CPSF1: variants seen among roughly 807,000 people sequenced by gnomAD.
CPSF1 encodes the protein cleavage and polyadenylation specificity factor subunit 1.
Under a neutral mutation model 175.8 loss-of-function variants are expected in CPSF1, and 106 were observed. The ratio of observed to expected loss-of-function variants is 0.60; its 90% CI spans 0.52 to 0.71. The LOEUF (loss-of-function observed/expected upper bound fraction) is 0.71. CPSF1 is among the 30% of genes least tolerant of loss of function. The pLI is 0.00. For missense variants in CPSF1, 1,734 were observed against 2,022.9 expected, an observed-to-expected ratio of 0.86 and a Z score of 2.74; for synonymous variants, 1,024 against 858.3, an observed-to-expected ratio of 1.19 and a Z score of -3.37.
intron 2 of CPSF1, among the ~76,000 whole-genome samples, chr8:144,406,351 T>C (rs1554869088): frequency 6.6e-6 from 1 of 152,102 alleles, no homozygotes; most frequent in African/African-American, 2.4e-5. Flanking sequence ...GCCCTGTCAG[T>C]CACCAGGCAT....
chr8:144,397,217 G>A lies in CPSF1; in HGVS notation c.2582C>T (p.Pro861Leu). ...LVALGSRQSR[P>L]YLLVHVDQEL... is the part of the protein sequence containing the mutation. ...GCCAGGCGCACTCACCAGCAGGTAGGGCCTGCTCTGGCGGCTGCCCAGCGC... is the reference window on the plus strand; with the variant it reads ...GCCAGGCGCACTCACCAGCAGGTAGAGCCTGCTCTGGCGGCTGCCCAGCGC... Residue 861 changes from proline to leucine, a missense_variant, in exon 23 of 38, where the codon CCC becomes CTC. Pro to Leu is a moderately conservative substitution (Grantham distance 98, BLOSUM62 -3). Around this residue, in one of 10 missense-constraint regions of CPSF1, gnomAD observed 585 missense variants for 584.7 expected, o/e 1.00. Transcript: ENST00000616140. 2 of 1,544,184 alleles carry A rather than the reference G, an allele frequency of 1.3e-6. No homozygotes were observed. The highest frequency in any genetic ancestry group is 1.7e-6 in the Non-Finnish European group (2 of 1,144,624).
chr8:144,393,379 AAGGGTGGG>A lies in CPSF1; in HGVS notation c.4285-22_4285-15del. 1 of 537,142 alleles carries A rather than the reference AAGGGTGGG, an allele frequency of 1.9e-6. No homozygotes were observed. Among genetic ancestry groups the A allele is most frequent in the Non-Finnish European group, 2.7e-6 (1 of 372,046 alleles). 33.3% of individuals were successfully genotyped at this position (537,142 alleles called of 1,614,324 possible). A position where few individuals can be genotyped will look rare whatever the true frequency, so the allele number is the denominator to read the frequency against. On this transcript the variant is annotated splice_polypyrimidine_tract_variant and intron_variant, in intron 37 of 37. Transcript: ENST00000616140. Reference sequence around the variant, plus strand: ...GTCGTCCAGGATCTGCAGGGGATGGAAGGGTGGGTGGGTGGGTGGGTGGGGATGCACAC... The same window carrying A: ...GTCGTCCAGGATCTGCAGGGGATGGATGGGTGGGTGGGTGGGGATGCACAC...
chr8:144,401,874 G>A (rs2116887662), intron 2 of CPSF1, among the ~76,000 whole-genome samples: 117 of 152,152 alleles, frequency 7.7e-4, no homozygotes, highest in Non-Finnish European at 8.8e-4. Flanking sequence ...TCATGCCCAC[G>A]GCCCAGCCCT....
chr8:144,400,595 A>G (rs1294009887), intron 7 of CPSF1, 76 bp downstream of exon 7: 1 of 1,599,906 alleles, frequency 6.3e-7, no homozygotes, highest in Non-Finnish European at 8.5e-7. Flanking sequence ...GCCCCGCCCT[A>G]AACCCCATGG....
intron 4 of CPSF1, 43 bp downstream of exon 4, chr8:144,401,378 GCACCCACTC>G: frequency 1.2e-6 from 2 of 1,612,120 alleles, no homozygotes; most frequent in African/African-American, 1.3e-5. Context: ...CCAGGCCCTG[GCACCCACTC>G]CCACGCCTTG....
rs1820670104 is a variant in CPSF1, at chr8:144,395,544, A to G, written c.2987T>C (p.Leu996Pro). ...GFLYFNRQGE[L>P]RISVLPAYLS... ...GTAGGCAGGCAGGACACTGATCCTCAGCTCGCCCTGGGGTGGGGGCACAGG... is the reference window on the plus strand; with the variant it reads ...GTAGGCAGGCAGGACACTGATCCTCGGCTCGCCCTGGGGTGGGGGCACAGG... The change falls in exon 27 of 38, where the codon CTG (leucine) becomes CCG (proline). Residue 996 changes from leucine (L) to proline (P), a missense_variant. By Grantham distance (98) the Leu-to-Pro change is moderately conservative. Coordinates refer to ENST00000616140, the MANE Select transcript of CPSF1 (RefSeq NM_013291.3). 2 of 969,416 alleles carry G rather than the reference A, an allele frequency of 2.1e-6. No individual in the cohort carries two copies. The highest frequency in any genetic ancestry group is 2.5e-5 in the South Asian group (2 of 79,804). The allele number at this position is 969,416 out of a possible 1,614,324, so 60.1% of individuals were successfully genotyped here.
chr8:144,397,424 G>A lies in CPSF1; in HGVS notation c.2386-11C>T. On this transcript the variant is annotated splice_polypyrimidine_tract_variant and intron_variant, in intron 22 of 37. Coordinates refer to ENST00000616140, the MANE Select transcript of CPSF1 (RefSeq NM_013291.3). Reference sequence around the variant, plus strand: ...GGGAAGCTGGTAGATCTGCAGGGTGGGCAGCAGTCAGTGGAGGCAGGTGGG... The same window carrying A: ...GGGAAGCTGGTAGATCTGCAGGGTGAGCAGCAGTCAGTGGAGGCAGGTGGG... 6.3e-7 allele frequency: 1 copy of A among 1,576,740 alleles called. No homozygotes were observed. The highest frequency in any genetic ancestry group is 1.1e-5 in the South Asian group (1 of 87,216).
chr8:144,398,142 T>A lies in CPSF1; in HGVS notation c.1895-10A>T. 6.9e-7 allele frequency: 1 copy of A among 1,456,048 alleles called. No individual in the cohort carries two copies. The allele number at this position is 1,456,048 out of a possible 1,614,324, so 90.2% of individuals were successfully genotyped here. ...AAGTGCAGCTGATTCACTGTAGGCATGGGGCAGTCAGCATGCGCCTCCCCA... is the reference window on the plus strand; with the variant it reads ...AAGTGCAGCTGATTCACTGTAGGCAAGGGGCAGTCAGCATGCGCCTCCCCA... On this transcript the variant is annotated splice_polypyrimidine_tract_variant and intron_variant, in intron 19 of 37. Coordinates refer to ENST00000616140, the MANE Select transcript of CPSF1 (RefSeq NM_013291.3).
intron 2 of CPSF1, among the ~76,000 whole-genome samples, chr8:144,406,379 C>T (rs1444666784): frequency 2.0e-5 from 3 of 152,154 alleles, no homozygotes; most frequent in Admixed American, 6.5e-5. Context: ...GGCTCAACAG[C>T]GTGGGACCCA....
rs2116872365 is a variant in CPSF1 at position 144,400,146 on chromosome 8, C to G, written c.937+20G>C. On this transcript the variant is annotated intron_variant, in intron 9 of 37. Coordinates refer to ENST00000616140, the MANE Select transcript of CPSF1 (RefSeq NM_013291.3). ...CAAGCCGTCCCCGGGCCCCCCCCGC[C>G]CCAGCCACCCCACACTCACGAAGCG... 1.2e-5 allele frequency: 17 copies of G among 1,387,182 alleles called. No homozygotes were observed. The highest frequency in any genetic ancestry group is 3.0e-5 in the African/African-American group (2 of 67,672). 85.9% of individuals were successfully genotyped at this position (1,387,182 alleles called of 1,614,324 possible). A position where few individuals can be genotyped will look rare whatever the true frequency, so the allele number is the denominator to read the frequency against.
Position 144,409,165 on chromosome 8 carries a change from A to C in CPSF1, c.-7T>G. The C allele has an allele frequency of 3.7e-6, 6 of 1,606,000 alleles. No individual in the cohort carries two copies. The highest frequency in any genetic ancestry group is 5.1e-6 in the Non-Finnish European group (6 of 1,176,774). On this transcript the variant is annotated 5_prime_UTR_variant, in exon 2 of 38. Coordinates refer to ENST00000616140, the MANE Select transcript of CPSF1 (RefSeq NM_013291.3). ...GTTTGTACACGGCGTACATGGCGCC[A>C]ACCCGGGCTGCGCAAGGCCGGGAGA...
chr8:144,399,149 C>T lies in CPSF1; in HGVS notation c.1446G>A (p.Glu482=). The change falls in exon 15 of 38, where the codon GAG becomes GAA. Residue 482 remains glutamate (E), a synonymous_variant. Transcript: ENST00000616140. This position sits in a 1 kb window ranked among gnomAD's most constrained non-coding sequence, Gnocchi z 6.4. ...IGPCANAAVG[E]PAFLSEEFQN... is the part of the protein sequence containing the mutation. ...GCACCTCTTCAGAGAGGAAGGCAGG[C>T]TCGCCCACGGCGGCATTGGCACAGG... 6.3e-7 allele frequency: 1 copy of T among 1,590,684 alleles called. No homozygotes were observed. Among genetic ancestry groups the T allele is most frequent in the Non-Finnish European group, 8.6e-7 (1 of 1,169,046 alleles).
Position 144,394,113 on chromosome 8 carries a change from C to T in CPSF1, c.3859G>A (p.Ala1287Thr). 1 of 1,612,650 alleles carries T rather than the reference C, an allele frequency of 6.2e-7. No individual in the cohort carries two copies. The highest frequency in any genetic ancestry group is 2.2e-5 in the East Asian group (1 of 44,876). ...CAGAGGGGGTGGAGGAAGCACTCAC[C>T]TTCGGGCAGGTACATGTACACCATG... is the stretch of plus-strand genomic sequence containing the variant. ...NLMVYMYLPE[A>T]KESFGGMRLL... Residue 1287 changes from alanine (A) to threonine (T), a missense_variant and splice_region_variant, in exon 34 of 38, where the codon GCC (alanine) becomes ACC (threonine). Ala to Thr is a moderately conservative substitution (Grantham distance 58). This residue lies in a region of CPSF1 where 323 missense variants were observed against 338.5 expected (regional missense o/e 0.95). Transcript: ENST00000616140.
At position 144,399,497 on chromosome 8, in the gene CPSF1, G is replaced by A; in HGVS notation, c.1249C>T (p.Pro417Ser). 6.2e-7 allele frequency: 1 copy of A among 1,612,908 alleles called. No homozygotes were observed. The highest frequency in any genetic ancestry group is 8.5e-7 in the Non-Finnish European group (1 of 1,179,874). Residue 417 changes from proline to serine, a missense_variant, in exon 13 of 38, where the codon CCT becomes TCT. Pro to Ser is a moderately conservative substitution (Grantham distance 74). This residue lies in a region of CPSF1 where 162 missense variants were observed against 169.5 expected (regional missense o/e 0.96). Coordinates refer to ENST00000616140, the MANE Select transcript of CPSF1 (RefSeq NM_013291.3). The surrounding 1 kb of genome is among the most constrained non-coding windows in gnomAD (Gnocchi z 6.4). The part of the protein sequence containing the change: ...AVREAADKEE[P>S]PSKKKRVDAT... ...TCCACTCGCTTCTTCTTTGAGGGAG[G>A]CTCTTCCTGTGAGGCAGGAGGGGCA...
At position 144,394,858 on chromosome 8, in the gene CPSF1, C is replaced by T. The variant is rs546857465; in HGVS notation, c.3414+24G>A. ...GGATGGCAGAGGGGCTGCCAGTTCC[C>T]GCCCCCGCTCACTGGCCCCTTACCC... On this transcript the variant is annotated intron_variant, in intron 30 of 37. Coordinates refer to ENST00000616140, the MANE Select transcript of CPSF1 (RefSeq NM_013291.3). 6.8e-5 allele frequency: 109 copies of T among 1,611,770 alleles called. No homozygotes were observed. In the Middle Eastern group the frequency reaches 9.9e-4, roughly 15 times the overall value.
intron 2 of CPSF1, among the ~76,000 whole-genome samples, chr8:144,404,258 G>C (rs2116897479): frequency 6.6e-6 from 1 of 152,114 alleles, no homozygotes; most frequent in South Asian, 2.1e-4. Flanking sequence ...TTTCCCTCTT[G>C]GTCAGGACCA....
chr8:144,408,936 G>T lies in CPSF1; in HGVS notation c.144+79C>A. The T allele has an allele frequency of 1.2e-5, 19 of 1,522,890 alleles. No individual in the cohort carries two copies. In the Admixed American group the frequency reaches 1.9e-4, roughly 15 times the overall value. The allele number at this position is 1,522,890 out of a possible 1,614,324, so 94.3% of individuals were successfully genotyped here. A position where few individuals can be genotyped will look rare whatever the true frequency, so the allele number is the denominator to read the frequency against. The stretch of plus-strand genomic sequence containing the variant: ...AAATCACTCAACTTGTCTGGGGCTT[G>T]GCTCTTCCATCTGCAACCGGGGGCG... On this transcript the variant is annotated intron_variant, in intron 2 of 37. Coordinates refer to ENST00000616140, the MANE Select transcript of CPSF1 (RefSeq NM_013291.3).
At chr8:144,396,135 G>A (rs1041574314) in intron 26 of CPSF1, 3 of 597,112 alleles carry the variant, frequency 5.0e-6, no homozygotes, top group Non-Finnish European at 8.8e-6. Flanking sequence ...GGGGACCCCA[G>A]GGGCTGCAGC....
Position 144,400,981 on chromosome 8 carries a change from A to G in CPSF1, c.482T>C (p.Val161Ala). 6.2e-7 allele frequency: 1 copy of G among 1,610,422 alleles called. No individual in the cohort carries two copies. Among genetic ancestry groups the G allele is most frequent in the Non-Finnish European group, 8.5e-7 (1 of 1,178,500 alleles). ...AMLVYGTRLV[V>A]LPFRRESLAE... ...CAGGCTCTCCCTGCGGAAGGGCAGG[A>G]CCACCAGCCGCGTGCCGTAGACAAG... Residue 161 changes from valine (V) to alanine (A), a missense_variant, in exon 6 of 38, where the codon GTC (valine) becomes GCC (alanine). Physicochemically the swap from Val to Ala is moderately conservative, Grantham distance 64 (BLOSUM62 0). This residue lies in a region of CPSF1 where 122 missense variants were observed against 177.2 expected (regional missense o/e 0.69). Transcript: ENST00000616140.
Sources: gnomAD v4.1 joint callset for allele counts (sites outside exome capture counted in the v4.1 genomes callset) on GRCh38, gnomAD v4.1.1 for gene constraint, gnomAD v4.1.1 regional missense constraint, Gnocchi (gnomAD v3.1) non-coding constraint, MANE v1.5 for transcripts, NCBI Gene and HGNC (gene_info 2026-07-23, HGNC 2026-07-21) for gene names.